Variants in THAP9 observed in about 807,000 individuals in gnomAD.
THAP9 encodes THAP domain containing 9, also known as DNA transposase THAP9.
THAP9 carries 20 observed loss-of-function variants against 35.7 expected under a neutral mutation model. The ratio of observed to expected loss-of-function variants is 0.56; its 90% CI spans 0.39 to 0.81. THAP9 has a LOEUF of 0.81. Among genes scored for constraint, THAP9 ranks in the 40% least tolerant of loss-of-function variants. The probability of loss-of-function intolerance (pLI) is 0.00; values close to 1 mark genes in which losing one functional copy is unlikely to be tolerated. For missense variants in THAP9, 870 were observed against 1,047.4 expected (o/e 0.83, Z 2.34); for synonymous variants, 335 against 373.7 (o/e 0.90, Z 1.19).
intron 3 of THAP9, 31 bp downstream of exon 3, chr4:82,906,658 C>G (rs769851433): frequency 3.3e-6 from 5 of 1,516,072 alleles, no homozygotes; most frequent in Admixed American, 2.3e-5. Flanking sequence ...GTAGTATTTA[C>G]AAAAATAGCT....
At chr4:82,900,984 C>T (rs946982239) in intron 1 of THAP9, 102 bp downstream of exon 1, 3 of 1,358,044 alleles carry the variant, frequency 2.2e-6, no homozygotes, top group Non-Finnish European at 3.1e-6. Context: ...GGTCGCGCCG[C>T]GTGTGTGACG....
rs1560689137 is a variant in THAP9 at position 82,900,741 on chromosome 4, A to C, written c.-62A>C. The stretch of plus-strand genomic sequence containing the variant: ...AGCCGCAGAGTCAACGGGCGGAGCT[A>C]AAGTGGTCGTGATTCATGCTGTCGC... On this transcript the variant is annotated 5_prime_UTR_variant, in exon 1 of 5. Coordinates refer to ENST00000302236, the MANE Select transcript of THAP9 (RefSeq NM_024672.6). The C allele has an allele frequency of 1.9e-6, 3 of 1,554,628 alleles. No individual in the cohort carries two copies. The highest frequency in any genetic ancestry group is 1.8e-6 in the Non-Finnish European group (2 of 1,127,028).
At chr4:82,912,944 A>G (rs1367922464) in intron 4 of THAP9, among the ~76,000 whole-genome samples, 2 of 152,226 alleles carry the variant, frequency 1.3e-5, no homozygotes, top group African/African-American at 4.8e-5. Flanking sequence ...ATTAATTACC[A>G]TTAAGTGAAA....
rs202199242 is a variant in THAP9 at position 82,906,358 on chromosome 4, G to A, written c.311G>A (p.Arg104Lys). Residue 104 changes from arginine (R) to lysine (K), a missense_variant, in exon 3 of 5, where the codon AGA (arginine) becomes AAA (lysine). Physicochemically the swap from Arg to Lys is conservative, Grantham distance 26. Around this residue, in one of 3 missense-constraint regions of THAP9, gnomAD observed 440 missense variants for 501.2 expected, o/e 0.88. Transcript: ENST00000302236. ...PQGVHLKGKA[R>K]QKILKQPLPD... is the part of the protein sequence containing the mutation. ...GGTGTACATCTTAAAGGTAAAGCAA[G>A]ACAAAAAATCCTAAAACAACCTCTT... The A allele has an allele frequency of 3.1e-6, 5 of 1,606,510 alleles. No individual in the cohort carries two copies. Among genetic ancestry groups the A allele is most frequent in the Non-Finnish European group, 3.4e-6 (4 of 1,175,976 alleles).
chr4:82,915,686 TG>T (rs990017808), intron 4 of THAP9, among the ~76,000 whole-genome samples: 6 of 152,130 alleles, frequency 3.9e-5, no homozygotes, highest in African/African-American at 1.4e-4. Flanking sequence ...TGTGGGGGAT[TG>T]GTTCTAGGAC....
rs768621116 is a variant in THAP9, at chr4:82,900,782, G to C, written c.-21G>C. The stretch of plus-strand genomic sequence containing the variant: ...ATGCTGTCGCGGGAACCCCGAAGGT[G>C]GGGCCCCACGTAACAAGAAGATGAC... On this transcript the variant is annotated 5_prime_UTR_variant, in exon 1 of 5. Transcript: ENST00000302236. 1.2e-6 allele frequency: 2 copies of C among 1,613,544 alleles called. No individual in the cohort carries two copies. The highest frequency in any genetic ancestry group is 4.5e-5 in the East Asian group (2 of 44,872).
chr4:82,914,480 G>T (rs1042531253), intron 4 of THAP9, among the ~76,000 whole-genome samples: 1 of 152,154 alleles, frequency 6.6e-6, no homozygotes, highest in Non-Finnish European at 1.5e-5. Flanking sequence ...AATTTTGCCA[G>T]CATCTATTAT....
intron 4 of THAP9, among the ~76,000 whole-genome samples, chr4:82,912,520 T>C (rs1720898663): frequency 6.6e-6 from 1 of 152,240 alleles, no homozygotes; most frequent in Non-Finnish European, 1.5e-5. Flanking sequence ...AACTAAGTTA[T>C]TGTATATTGG....
rs565049323 is a variant in THAP9 at position 82,918,429 on chromosome 4, G to C, written c.2217G>C (p.Leu739=). The C allele has an allele frequency of 6.2e-6, 10 of 1,614,142 alleles. No homozygotes were observed. The Admixed American group carries it at 1.7e-4, about 27-fold the overall frequency. ...LLTCEDCITA[L]YASDLKASKI... is the part of the protein sequence containing the mutation. ...CTTGTGAGGACTGCATCACTGCACT[G>C]TATGCATCGGATCTCAAAGCCTCTA... Residue 739 remains leucine, a synonymous_variant, in exon 5 of 5, where the codon CTG becomes CTC. Transcript: ENST00000302236.
intron 2 of THAP9, chr4:82,905,905 G>A (rs1489968227): frequency 2.2e-6 from 1 of 456,264 alleles, no homozygotes; most frequent in Non-Finnish European, 4.4e-6. Context: ...AGCTAATTGA[G>A]GGAGCTAAGA....
At chr4:82,915,202 A>G (rs1253487051) in intron 4 of THAP9, among the ~76,000 whole-genome samples, 2 of 152,134 alleles carry the variant, frequency 1.3e-5, no homozygotes, top group South Asian at 2.1e-4. Flanking sequence ...ACCTACTTAT[A>G]GTCAAGGTAT....
intron 4 of THAP9, among the ~76,000 whole-genome samples, chr4:82,908,567 GT>G (rs1720746884): frequency 2.0e-5 from 3 of 152,144 alleles, no homozygotes; most frequent in Admixed American, 2.0e-4. Flanking sequence ...AATTTTTACT[GT>G]TTTTACCACT....
At chr4:82,915,520 G>C (rs895431827) in intron 4 of THAP9, among the ~76,000 whole-genome samples, 3 of 152,160 alleles carry the variant, frequency 2.0e-5, no homozygotes, top group African/African-American at 7.2e-5. Context: ...GCCTCCCAAA[G>C]TGCTGGGATT....
Position 82,917,923 on chromosome 4 carries a change from A to G in THAP9, c.1711A>G (p.Lys571Glu), listed in dbSNP as rs1342062685. ...SNNQIIKGKQ[K>E]LGFLGFLLNA... ...TAATCAAATAATTAAAGGTAAGCAA[A>G]AACTAGGATTCCTGGGATTTTTGCT... Residue 571 changes from lysine to glutamate, a missense_variant, in exon 5 of 5, where the codon AAA becomes GAA. Transcript: ENST00000302236. 1 of 1,613,964 alleles carries G rather than the reference A, an allele frequency of 6.2e-7. No homozygotes were observed. The highest frequency in any genetic ancestry group is 8.5e-7 in the Non-Finnish European group (1 of 1,179,946).
chr4:82,908,207 G>T (rs772996379), intron 4 of THAP9, among the ~76,000 whole-genome samples: 1 of 152,102 alleles, frequency 6.6e-6, no homozygotes, highest in Non-Finnish European at 1.5e-5. Context: ...CCAACAAAAT[G>T]AAGACACATA....
chr4:82,908,034 T>A lies in THAP9; in HGVS notation c.731+99T>A, dbSNP rs1720724176. On this transcript the variant is annotated intron_variant, in intron 4 of 4. Coordinates refer to ENST00000302236, the MANE Select transcript of THAP9 (RefSeq NM_024672.6). ...CTCTTTAGATGTTAAACCATATTATTCTTTTGTTGCATTTTACTTATTAAG... is the reference window on the plus strand; with the variant it reads ...CTCTTTAGATGTTAAACCATATTATACTTTTGTTGCATTTTACTTATTAAG... The A allele has an allele frequency of 4.0e-6, 5 of 1,260,678 alleles. No homozygotes were observed. The East Asian group carries it at 1.3e-4, about 32-fold the overall frequency. The allele number at this position is 1,260,678 out of a possible 1,614,324, so 78.1% of individuals were successfully genotyped here.
Position 82,917,061 on chromosome 4 carries a change from T to C in THAP9, c.849T>C (p.Ser283=), listed in dbSNP as rs1386929635. ...AATACTGTTCATTGTTAATAAAAAG[T>C]ATGCCTCTCAAGCAACAGCTTCAGT... The part of the protein sequence containing the change: ...LYQYCSLLIK[S]MPLKQQLQWD... Residue 283 remains serine, a synonymous_variant, in exon 5 of 5, where the codon AGT becomes AGC. Coordinates refer to ENST00000302236, the MANE Select transcript of THAP9 (RefSeq NM_024672.6). 1.2e-6 allele frequency: 2 copies of C among 1,613,240 alleles called. No homozygotes were observed. Among genetic ancestry groups the C allele is most frequent in the African/African-American group, 1.3e-5 (1 of 75,032 alleles).
In THAP9 at chr4:82,918,551, GA is replaced by G. The variant is rs767122858; in HGVS notation, c.2341del (p.Thr781ProfsTer10). On this transcript the variant is annotated frameshift_variant, in exon 5 of 5. Transcript: ENST00000302236. LOFTEE classifies it high-confidence loss of function. Reference sequence around the variant, plus strand: ...ATAAATATTTGTGAGCGAGTTGTAAGAACCCATTCAAGAATGGCAATTTTTG... The same window carrying G: ...ATAAATATTTGTGAGCGAGTTGTAAGACCCATTCAAGAATGGCAATTTTTG... ...RVINICERVV[R>X]THSRMAIFEL... 5 of 1,613,952 alleles carry G rather than the reference GA, an allele frequency of 3.1e-6. No individual in the cohort carries two copies. The highest frequency in any genetic ancestry group is 1.7e-6 in the Non-Finnish European group (2 of 1,179,964).
chr4:82,912,377 G>T (rs962590492), intron 4 of THAP9, among the ~76,000 whole-genome samples: 1 of 152,140 alleles, frequency 6.6e-6, no homozygotes, highest in African/African-American at 2.4e-5. Flanking sequence ...TGCTGTGAGA[G>T]AATCAAAAGT....
Sources: allele counts gnomAD v4.1 joint callset (sites outside exome capture counted in the v4.1 genomes callset), GRCh38; gene constraint gnomAD v4.1.1; regional missense constraint gnomAD v4.1.1; transcripts MANE v1.5; gene names NCBI Gene and HGNC (gene_info 2026-07-23, HGNC 2026-07-21).